The following C5orf46 variants were observed in gnomAD, a reference collection of about 807,000 sequenced individuals.
C5orf46 encodes uncharacterized protein C5orf46.
A neutral mutation model predicts 8.9 loss-of-function variants in C5orf46; 9 were observed. That is an observed-to-expected ratio of 1.01 (90% confidence interval 0.61 to 1.76). C5orf46 has a LOEUF of 1.76. C5orf46 is among the 40% of genes most tolerant of loss of function. C5orf46 has a pLI of 0.00. For missense variants in C5orf46, 98 were observed against 107.8 expected (o/e 0.91, Z 0.40); for synonymous variants, 47 against 41.4 (o/e 1.14, Z -0.52).
intron 1 of C5orf46, among the ~76,000 whole-genome samples, chr5:147,904,797 C>A (rs1757724607): frequency 6.6e-6 from 1 of 150,994 alleles, no homozygotes; most frequent in East Asian, 1.9e-4. Context: ...CATATGTTGT[C>A]AGGATTGAAA....
Position 147,906,430 on chromosome 5 carries a change from AC to A in C5orf46, c.70+1del, listed in dbSNP as rs1263814142. The A allele has an allele frequency of 6.2e-6, 10 of 1,604,690 alleles. No homozygotes were observed. The South Asian group carries it at 1.0e-4, about 16-fold the overall frequency. Reference sequence around the variant, plus strand: ...TCATGGGCTGTGATCAGAAGCACTTACCTGCATAGCAGGTCAGGAATAAGAC... The same window carrying A: ...TCATGGGCTGTGATCAGAAGCACTTACTGCATAGCAGGTCAGGAATAAGAC... On this transcript the variant is annotated splice_donor_variant, in intron 1 of 3. Transcript: ENST00000318315. LOFTEE classifies it high-confidence loss of function.
chr5:147,891,132 G>C (rs945112078), downstream of C5orf46, among the ~76,000 whole-genome samples: 1 of 152,050 alleles, frequency 6.6e-6, no homozygotes, highest in Non-Finnish European at 1.5e-5. Context: ...ACCAATTTTG[G>C]TATCTTAGGC....
intron 1 of C5orf46, among the ~76,000 whole-genome samples, chr5:147,903,035 AG>A (rs1351584392): frequency 6.6e-6 from 1 of 152,162 alleles, no homozygotes; most frequent in Non-Finnish European, 1.5e-5. Flanking sequence ...CATTGGAATG[AG>A]GGCCAAGGAT....
intron 2 of C5orf46, 100 bp downstream of exon 2, chr5:147,901,529 C>A: frequency 9.4e-7 from 1 of 1,067,730 alleles, no homozygotes; most frequent in Non-Finnish European, 1.3e-6. Context: ...TTACTTATGC[C>A]ACAAATTTTG....
At chr5:147,901,441 C>A (rs993175419) in intron 2 of C5orf46, 188 bp downstream of exon 2, 22 of 493,740 alleles carry the variant, frequency 4.5e-5, no homozygotes, top group Admixed American at 1.6e-4. Context: ...TCCTTTCCCC[C>A]AAAAAGCTCA....
intron 1 of C5orf46, among the ~76,000 whole-genome samples, chr5:147,904,164 G>T (rs1430566029): frequency 6.6e-6 from 1 of 152,160 alleles, no homozygotes; most frequent in Non-Finnish European, 1.5e-5. Context: ...AGAAGGATTG[G>T]TTTGTTTTTA....
intron 1 of C5orf46, among the ~76,000 whole-genome samples, chr5:147,902,528 A>G (rs927101371): frequency 1.3e-5 from 2 of 152,194 alleles, no homozygotes; most frequent in African/African-American, 4.8e-5. Flanking sequence ...GACGATCTAC[A>G]TGGATTGTCT....
intron 1 of C5orf46, 106 bp downstream of exon 1, chr5:147,906,326 G>A (rs1757750457): frequency 3.4e-6 from 2 of 582,882 alleles, no homozygotes; most frequent in Non-Finnish European, 6.0e-6. Flanking sequence ...TTTCTGGAGT[G>A]CCCAAAGACC....
chr5:147,897,128 G>C, intron 2 of C5orf46, 87 bp from the exon 3 acceptor site: 2 of 560,048 alleles, frequency 3.6e-6, no homozygotes, highest in Non-Finnish European at 6.2e-6. Flanking sequence ...TAATGTTTGA[G>C]CCACACTGTT....
At chr5:147,889,829 G>C (rs1408634729), downstream of C5orf46, among the ~76,000 whole-genome samples, 2 of 152,136 alleles carry the variant, frequency 1.3e-5, no homozygotes, top group Non-Finnish European at 2.9e-5. Flanking sequence ...TTTGTACTAA[G>C]TATGAGGATT....
chr5:147,906,113 G>A (rs913112805), intron 1 of C5orf46, among the ~76,000 whole-genome samples: 9 of 152,070 alleles, frequency 5.9e-5, no homozygotes, highest in South Asian at 2.1e-4. Flanking sequence ...CTTCACCAAT[G>A]AACATTATTA....
intron 1 of C5orf46, among the ~76,000 whole-genome samples, chr5:147,903,826 C>T (rs1477520151): frequency 1.3e-5 from 2 of 152,200 alleles, no homozygotes; most frequent in African/African-American, 4.8e-5. Context: ...CAGCTCACTG[C>T]AGGCTCAACG....
intron 3 of C5orf46, among the ~76,000 whole-genome samples, chr5:147,893,712 T>G (rs1451218123): frequency 6.6e-6 from 1 of 152,070 alleles, no homozygotes; most frequent in Non-Finnish European, 1.5e-5. Flanking sequence ...CCGGCTAATT[T>G]TGTATTTTTA....
At chr5:147,888,999 T>A (rs1020777106), downstream of C5orf46, among the ~76,000 whole-genome samples, 4 of 152,088 alleles carry the variant, frequency 2.6e-5, no homozygotes, top group African/African-American at 7.2e-5. Context: ...TCCATTAGCA[T>A]TTTTTAAAAT....
intron 2 of C5orf46, among the ~76,000 whole-genome samples, chr5:147,897,698 A>C (rs1043143199): frequency 6.6e-6 from 1 of 152,200 alleles, no homozygotes; most frequent in Non-Finnish European, 1.5e-5. Flanking sequence ...AGGATTATGA[A>C]ATCCCTGAAT....
At chr5:147,893,653 C>T (rs1757536662) in intron 3 of C5orf46, among the ~76,000 whole-genome samples, 1 of 152,138 alleles carries the variant, frequency 6.6e-6, no homozygotes, top group African/African-American at 2.4e-5. Context: ...AGCGATTCTC[C>T]TGCCTCAGCC....
chr5:147,898,302 G>A (rs942812528), intron 2 of C5orf46, among the ~76,000 whole-genome samples: 1 of 152,122 alleles, frequency 6.6e-6, no homozygotes, highest in African/African-American at 2.4e-5. Context: ...ACATATACCC[G>A]AGGAAGGTAT....
At chr5:147,892,662 T>C (rs192227484), downstream of C5orf46, 3 of 152,336 alleles carry the variant, frequency 2.0e-5, no homozygotes, top group Admixed American at 2.0e-4. Context: ...TTTGCATCAT[T>C]AAAACTTTAA....
downstream of C5orf46, among the ~76,000 whole-genome samples, chr5:147,891,004 T>C (rs1401225754): frequency 2.0e-5 from 3 of 152,174 alleles, no homozygotes; most frequent in East Asian, 5.8e-4. Context: ...TGAGTCATGA[T>C]AGAAAGTTTG....
Sources: gnomAD v4.1 joint callset for allele counts (sites outside exome capture counted in the v4.1 genomes callset) on GRCh38, gnomAD v4.1.1 for gene constraint, MANE v1.5 for transcripts, NCBI Gene and HGNC (gene_info 2026-07-23, HGNC 2026-07-21) for gene names.